The following ALDH1L1 variants were observed in gnomAD, a reference collection of about 807,000 sequenced individuals.
The protein encoded by ALDH1L1 is cytosolic 10-formyltetrahydrofolate dehydrogenase.
A neutral mutation model predicts 101.1 loss-of-function variants in ALDH1L1; 68 were observed. The observed-to-expected ratio is 0.67, with a 90% CI of 0.55 to 0.82. ALDH1L1 has a LOEUF of 0.82. ALDH1L1 is among the 40% of genes least tolerant of loss of function. The probability of loss-of-function intolerance (pLI) is 0.00; values close to 1 mark genes in which losing one functional copy is unlikely to be tolerated. For missense variants in ALDH1L1, 1,087 were observed against 1,172.7 expected, an observed-to-expected ratio of 0.93 and a Z score of 1.07; for synonymous variants, 486 against 470.8, an observed-to-expected ratio of 1.03 and a Z score of -0.42.
chr3:126,122,580 T>C (rs547212989), intron 16 of ALDH1L1, among the ~76,000 whole-genome samples: 7 of 152,278 alleles, frequency 4.6e-5, no homozygotes, highest in Admixed American at 1.3e-4. Context: ...ACTTCTTTAG[T>C]AGGTGTAAAA....
At chr3:126,117,097 T>C (rs562642902) in intron 17 of ALDH1L1, among the ~76,000 whole-genome samples, 1 of 151,966 alleles carries the variant, frequency 6.6e-6, no homozygotes, top group African/African-American at 2.4e-5. Context: ...TTTAAAAACT[T>C]ATCCAGGTAT....
chr3:126,135,786 TGGA>T (rs2080427741), intron 11 of ALDH1L1, 124 bp from the exon 12 acceptor site: 2 of 1,239,618 alleles, frequency 1.6e-6, no homozygotes, highest in African/African-American at 1.6e-5. Context: ...TGAGCAGGTG[TGGA>T]GGAGAAGCAT....
At position 126,165,138 on chromosome 3, in the gene ALDH1L1, T is replaced by A. The variant is rs546546712; in HGVS notation, c.-23-4136A>T. Among the ~76,000 whole-genome samples the A allele has an allele frequency of 2.0e-5, 3 of 152,182 alleles. No homozygotes were observed. The South Asian group carries it at 6.2e-4, about 32-fold the overall frequency. ...TTGTTTTTCGCTTATGGAAGGGATGTTGGATTTTATCCAAAGCTTTTTCTG... is the reference window on the plus strand; with the variant it reads ...TTGTTTTTCGCTTATGGAAGGGATGATGGATTTTATCCAAAGCTTTTTCTG... On this transcript the variant is annotated intron_variant, in intron 1 of 22. Coordinates refer to ENST00000393434, the MANE Select transcript of ALDH1L1 (RefSeq NM_012190.4).
chr3:126,122,622 G>T (rs539151304), intron 16 of ALDH1L1, among the ~76,000 whole-genome samples: 6 of 152,268 alleles, frequency 3.9e-5, no homozygotes, highest in Admixed American at 1.3e-4. Context: ...ATATTATTGG[G>T]TTTGTAACAT....
chr3:126,195,255 T>C (rs2081575606), intron 1 of ALDH1L1, among the ~76,000 whole-genome samples: 1 of 152,226 alleles, frequency 6.6e-6, no homozygotes, highest in Non-Finnish European at 1.5e-5. Flanking sequence ...ATTTTACCAA[T>C]AATCTTTAAA....
At chr3:126,119,994 T>C (rs79627298) in intron 16 of ALDH1L1, among the ~76,000 whole-genome samples, 6,778 of 152,328 alleles carry the variant, frequency 0.044, 471 homozygotes, top group African/African-American at 0.15. Context: ...CTGGGATGGA[T>C]GTGGAGCAAC....
At chr3:126,123,714 G>A (rs1198676083) in intron 16 of ALDH1L1, among the ~76,000 whole-genome samples, 25 of 150,468 alleles carry the variant, frequency 1.7e-4, no homozygotes, top group Admixed American at 1.7e-3. Flanking sequence ...TATAAAAATA[G>A]CCATGGAAAA....
chr3:126,124,110 GACACACACACACACACACACACACAC>G (rs3841921), intron 16 of ALDH1L1, among the ~76,000 whole-genome samples: 3 of 148,788 alleles, frequency 2.0e-5, no homozygotes, highest in African/African-American at 4.9e-5. Flanking sequence ...AGGGCGCGCG[GACACACACACACACACACACACACAC>G]ACACACACAC....
At chr3:126,167,697 A>G (rs1325705468) in intron 1 of ALDH1L1, among the ~76,000 whole-genome samples, 2 of 152,082 alleles carry the variant, frequency 1.3e-5, no homozygotes, top group Admixed American at 1.3e-4. Context: ...GACTACAACA[A>G]TAAAGCCAGC....
chr3:126,132,381 C>A (rs1351403100), intron 12 of ALDH1L1, among the ~76,000 whole-genome samples: 1 of 152,216 alleles, frequency 6.6e-6, no homozygotes, highest in Non-Finnish European at 1.5e-5. Context: ...TGCCTACACC[C>A]ACCAGGACCC....
upstream of ALDH1L1, chr3:126,180,864 C>G (rs1028813199): frequency 2.6e-6 from 4 of 1,563,926 alleles, no homozygotes; most frequent in Non-Finnish European, 3.5e-6. Context: ...GCTGGCAGTT[C>G]TGAGCGCTGG....
At chr3:126,106,684 C>T (rs1228964612) in intron 21 of ALDH1L1, among the ~76,000 whole-genome samples, 1 of 152,154 alleles carries the variant, frequency 6.6e-6, no homozygotes, top group Non-Finnish European at 1.5e-5. Flanking sequence ...CCCGCAAGAC[C>T]CCCAGCAGCA....
At chr3:126,195,694 A>G (rs1350145499) in intron 1 of ALDH1L1, among the ~76,000 whole-genome samples, 1 of 152,236 alleles carries the variant, frequency 6.6e-6, no homozygotes, top group Non-Finnish European at 1.5e-5. Flanking sequence ...TCACAATAGC[A>G]AAGACTTGGA....
chr3:126,114,307 C>T (rs939104893), intron 18 of ALDH1L1, among the ~76,000 whole-genome samples: 4 of 152,210 alleles, frequency 2.6e-5, no homozygotes, highest in Admixed American at 6.5e-5. Context: ...AATACACACA[C>T]ACACATATGT....
chr3:126,196,188 A>C (rs1487914667), intron 1 of ALDH1L1, among the ~76,000 whole-genome samples: 1 of 152,160 alleles, frequency 6.6e-6, no homozygotes, highest in Non-Finnish European at 1.5e-5. Flanking sequence ...GAGTCCTTGG[A>C]AGGACAGGGC....
chr3:126,124,555 G>C, intron 15 of ALDH1L1, 104 bp from the exon 16 acceptor site: 1 of 924,948 alleles, frequency 1.1e-6, no homozygotes, highest in South Asian at 1.4e-5. Context: ...CAGCAAGCTG[G>C]GAGAGTAGCT....
upstream of ALDH1L1, chr3:126,181,036 G>C: frequency 1.3e-6 from 2 of 1,581,352 alleles, no homozygotes; most frequent in Non-Finnish European, 1.7e-6. Context: ...TTGCAGAGGC[G>C]GCCCCTTAGC....
chr3:126,173,916 T>C (rs1340455985), intron 1 of ALDH1L1, among the ~76,000 whole-genome samples: 1 of 152,246 alleles, frequency 6.6e-6, no homozygotes, highest in Non-Finnish European at 1.5e-5. Flanking sequence ...TACTCCTTAA[T>C]ATGTATGTGC....
At chr3:126,175,579 T>C (rs1385504181) in intron 1 of ALDH1L1, among the ~76,000 whole-genome samples, 1 of 132,894 alleles carries the variant, frequency 7.5e-6, no homozygotes. Context: ...ATCGCATGAA[T>C]AGGCTAAGGA....
Sources: gnomAD v4.1 joint callset for allele counts (sites outside exome capture counted in the v4.1 genomes callset) on GRCh38, gnomAD v4.1.1 for gene constraint, MANE v1.5 for transcripts, NCBI Gene and HGNC (gene_info 2026-07-23, HGNC 2026-07-21) for gene names.